The following R3HDM2 variants were observed in gnomAD, a reference collection of about 807,000 sequenced individuals.
R3HDM2 encodes the protein R3H domain-containing protein 2.
A neutral mutation model predicts 124.5 loss-of-function variants in R3HDM2; 38 were observed. The ratio of observed to expected loss-of-function variants is 0.31; its 90% confidence interval spans 0.24 to 0.40. The LOEUF is 0.40. Ranked by LOEUF, R3HDM2 falls within the 10% of genes least tolerant of loss-of-function variation. The pLI is 1.00. For synonymous variants in R3HDM2, 391 were observed against 448.0 expected (o/e 0.87, Z 1.61); for missense variants, 869 against 1,236.9 (o/e 0.70, Z 4.46).
chr12:57,379,481 G>A (rs144931571), intron 2 of R3HDM2, among the ~76,000 whole-genome samples: 14 of 152,230 alleles, frequency 9.2e-5, no homozygotes, highest in Non-Finnish European at 8.8e-5. Context: ...TCGGGAGGCT[G>A]AGGCAGGAGA....
chr12:57,396,034 C>G (rs1180572223), intron 1 of R3HDM2, among the ~76,000 whole-genome samples: 1 of 152,162 alleles, frequency 6.6e-6, no homozygotes, highest in Non-Finnish European at 1.5e-5. Flanking sequence ...TTTTGTTCCT[C>G]TCTACATTAA....
chr12:57,391,214 G>A (rs1313962145), intron 2 of R3HDM2, among the ~76,000 whole-genome samples: 1 of 152,126 alleles, frequency 6.6e-6, no homozygotes, highest in Non-Finnish European at 1.5e-5. Context: ...GAATGATTAA[G>A]CAAATGCGTA....
At chr12:57,340,036 T>C (rs951571926) in intron 2 of R3HDM2, among the ~76,000 whole-genome samples, 1 of 152,164 alleles carries the variant, frequency 6.6e-6, no homozygotes, top group Admixed American at 6.6e-5. Context: ...TTCCAAAACC[T>C]TGATGGTTAG....
intron 1 of R3HDM2, among the ~76,000 whole-genome samples, chr12:57,398,365 T>C (rs1308186174): frequency 6.6e-6 from 1 of 152,200 alleles, no homozygotes; most frequent in South Asian, 2.1e-4. Flanking sequence ...TGAGGTAAAC[T>C]TGGGTTTCTT....
Position 57,327,566 on chromosome 12 carries a change from A to G in R3HDM2, c.-35-17103T>C, listed in dbSNP as rs2057491875. On this transcript the variant is annotated intron_variant, in intron 2 of 23. Coordinates refer to ENST00000402412, the MANE Select transcript of R3HDM2 (RefSeq NM_001394031.1). ...GGCAAAGTAAATTGAAAACCTGGAA[A>G]GGATTCACTATTCTAGGTGCCATTA... Among the ~76,000 whole-genome samples, 9 of 152,338 alleles carry G rather than the reference A, an allele frequency of 5.9e-5. 1 individual carries two copies. In the South Asian group the frequency reaches 1.9e-3, roughly 32 times the overall value.
At chr12:57,349,372 C>G (rs2060422579) in intron 2 of R3HDM2, among the ~76,000 whole-genome samples, 1 of 99,340 alleles carries the variant, frequency 1.0e-5, no homozygotes. Context: ...GAGCGAGACT[C>G]CGTCTCCAAA....
At chr12:57,342,089 A>G (rs1020088351) in intron 2 of R3HDM2, among the ~76,000 whole-genome samples, 1 of 152,178 alleles carries the variant, frequency 6.6e-6, no homozygotes, top group Non-Finnish European at 1.5e-5. Context: ...AGATAGAAAA[A>G]TATCTTTATA....
intron 18 of R3HDM2, among the ~76,000 whole-genome samples, chr12:57,267,957 G>T (rs945913663): frequency 6.6e-6 from 1 of 152,084 alleles, no homozygotes; most frequent in Non-Finnish European, 1.5e-5. Flanking sequence ...ATAAACAGAG[G>T]TACACGGAAA....
At chr12:57,329,602 G>C (rs984851374) in intron 2 of R3HDM2, among the ~76,000 whole-genome samples, 1 of 152,070 alleles carries the variant, frequency 6.6e-6, no homozygotes, top group African/African-American at 2.4e-5. Flanking sequence ...CTGCTTACTG[G>C]TACTGTTTTT....
rs1341807378 is a variant in R3HDM2 at position 57,296,881 on chromosome 12, T to C, written c.561-330A>G. The stretch of plus-strand genomic sequence containing the variant: ...GAGTTCAAGACCAGCCTGGTCAACA[T>C]GGTGAAACCCCGTCTCTACAAAAAA... On this transcript the variant is annotated intron_variant, in intron 8 of 23. Coordinates refer to ENST00000402412, the MANE Select transcript of R3HDM2 (RefSeq NM_001394031.1). The surrounding 1 kb of genome is among the most constrained non-coding windows in gnomAD (Gnocchi z 4.5). 1 of 241,492 alleles carries C rather than the reference T, an allele frequency of 4.1e-6. No homozygotes were observed. Among genetic ancestry groups the C allele is most frequent in the Admixed American group, 5.0e-5 (1 of 19,836 alleles). 15.0% of individuals were successfully genotyped at this position (241,492 alleles called of 1,614,324 possible).
At chr12:57,303,321 T>A in intron 3 of R3HDM2, 104 bp from the exon 4 acceptor site, 1 of 1,031,548 alleles carries the variant, frequency 9.7e-7, no homozygotes, top group Non-Finnish European at 1.5e-6. Context: ...TAAAAACCAT[T>A]ACAACAGCCA....
At chr12:57,346,462 A>G (rs2060102488) in intron 2 of R3HDM2, among the ~76,000 whole-genome samples, 1 of 152,198 alleles carries the variant, frequency 6.6e-6, no homozygotes, top group African/African-American at 2.4e-5. Flanking sequence ...CCATCTCAAA[A>G]ACAAAAAAAA....
At chr12:57,395,978 T>C (rs987622118) in intron 1 of R3HDM2, among the ~76,000 whole-genome samples, 160 bp from the exon 2 acceptor site, 1 of 152,136 alleles carries the variant, frequency 6.6e-6, no homozygotes, top group Non-Finnish European at 1.5e-5. Context: ...CCCTGAACCC[T>C]CTATATCCAT....
At chr12:57,416,060 T>C (rs2069562828) in intron 1 of R3HDM2, among the ~76,000 whole-genome samples, 1 of 152,194 alleles carries the variant, frequency 6.6e-6, no homozygotes, top group Admixed American at 6.5e-5. Flanking sequence ...TTGAATGTGA[T>C]AGTGAACTTA....
chr12:57,325,989 T>C (rs1264416935), intron 2 of R3HDM2, among the ~76,000 whole-genome samples: 2 of 152,204 alleles, frequency 1.3e-5, no homozygotes, highest in East Asian at 3.8e-4. Context: ...TCAAACTTTT[T>C]CCTTATTATT....
At chr12:57,420,049 A>G (rs1378735914) in intron 1 of R3HDM2, among the ~76,000 whole-genome samples, 1 of 152,116 alleles carries the variant, frequency 6.6e-6, no homozygotes, top group Non-Finnish European at 1.5e-5. Flanking sequence ...TTTAGATACC[A>G]AACATTTCTC....
intron 4 of R3HDM2, among the ~76,000 whole-genome samples, 161 bp downstream of exon 4, chr12:57,303,015 A>C (rs1034361064): frequency 3.3e-5 from 5 of 152,360 alleles, no homozygotes; most frequent in Admixed American, 3.3e-4. Flanking sequence ...GTATGTGTAC[A>C]TGTGTGTATG....
chr12:57,313,954 T>G (rs931742168), intron 2 of R3HDM2, among the ~76,000 whole-genome samples: 1 of 146,638 alleles, frequency 6.8e-6, no homozygotes, highest in Non-Finnish European at 1.5e-5. Flanking sequence ...TTTGGGAGGC[T>G]GAGGTGGGCG....
At chr12:57,386,155 G>GCCCGCAGCC (rs1555304962) in intron 2 of R3HDM2, among the ~76,000 whole-genome samples, 1 of 147,368 alleles carries the variant, frequency 6.8e-6, no homozygotes, top group Non-Finnish European at 1.5e-5. Flanking sequence ...TGCTGGCAGC[G>GCCCGCAGCC]CTCGCAGCCC....
Sources: gnomAD v4.1 joint callset for allele counts (sites outside exome capture counted in the v4.1 genomes callset) on GRCh38, gnomAD v4.1.1 for gene constraint, Gnocchi (gnomAD v3.1) non-coding constraint, MANE v1.5 for transcripts, NCBI Gene and HGNC (gene_info 2026-07-23, HGNC 2026-07-21) for gene names.